WDPCP: variants seen among roughly 807,000 people sequenced by gnomAD.
WDPCP encodes the protein WD repeat-containing and planar cell polarity effector protein fritz homolog.
In WDPCP, 71 loss-of-function variants were observed where a neutral mutation model predicts 93.1. The ratio of observed to expected loss-of-function variants is 0.76; its 90% CI spans 0.63 to 0.93. The LOEUF is 0.93. Among genes scored for constraint, WDPCP ranks in the 40% least tolerant of loss-of-function variants. WDPCP has a pLI of 0.00. For missense variants in WDPCP, 844 were observed against 887.4 expected, an observed-to-expected ratio of 0.95 and a Z score of 0.62; for synonymous variants, 315 against 315.0, an observed-to-expected ratio of 1.00 and a Z score of 0.00.
At position 63,313,261 on chromosome 2, in the gene WDPCP, C is replaced by T. The variant is rs375036014; in HGVS notation, c.1799G>A (p.Arg600His). The T allele has an allele frequency of 2.0e-5, 33 of 1,613,420 alleles. No individual in the cohort carries two copies. Among genetic ancestry groups the T allele is most frequent in the South Asian group, 5.5e-5 (5 of 91,074 alleles). Residue 600 changes from arginine to histidine, a missense_variant, in exon 13 of 18, where the codon CGT (arginine) becomes CAT (histidine). Arg to His is a conservative substitution (Grantham distance 29, BLOSUM62 0). Coordinates refer to ENST00000272321, the MANE Select transcript of WDPCP (RefSeq NM_015910.7). ...AFLLAVDVGARDLFMDIHYLA... is the reference protein window; with the variant it reads ...AFLLAVDVGAHDLFMDIHYLA... ...AAAATGACTCACCATAAAGAGGTCACGAGCACCAACGTCAACAGCTAGGAG... is the reference window on the plus strand; with the variant it reads ...AAAATGACTCACCATAAAGAGGTCATGAGCACCAACGTCAACAGCTAGGAG...
At chr2:63,436,682 A>C (rs1023460536) in intron 8 of WDPCP, among the ~76,000 whole-genome samples, 2 of 152,088 alleles carry the variant, frequency 1.3e-5, no homozygotes, top group Non-Finnish European at 2.9e-5. Context: ...GGTTGGATCA[A>C]TCTTGCAAAC....
intron 14 of WDPCP, among the ~76,000 whole-genome samples, chr2:63,235,973 T>C (rs375896856): frequency 6.6e-6 from 1 of 152,126 alleles, no homozygotes. Context: ...AAAAAAGTAC[T>C]GGAAGCCCTA....
chr2:63,710,474 C>T (rs1230767697), intron 2 of WDPCP, among the ~76,000 whole-genome samples: 2 of 152,214 alleles, frequency 1.3e-5, no homozygotes, highest in African/African-American at 4.8e-5. Context: ...CCTGCTCGGG[C>T]CTTGTAAACA....
chr2:63,397,563 C>T lies in WDPCP; in HGVS notation c.1435+6485G>A, dbSNP rs780817931. On this transcript the variant is annotated intron_variant, in intron 10 of 17. Coordinates refer to ENST00000272321, the MANE Select transcript of WDPCP (RefSeq NM_015910.7). The stretch of plus-strand genomic sequence containing the variant: ...AAAATGGAAGCCTGGATGGCCCCAA[C>T]ATTTTCATGAGTAGGCAGAAGAAGA... 2.0e-5 allele frequency among the ~76,000 whole-genome samples: 3 copies of T among 152,116 alleles called. No homozygotes were observed. The South Asian group carries it at 6.2e-4, about 31-fold the overall frequency.
At chr2:63,783,513 A>G (rs1484120459) in intron 2 of WDPCP, among the ~76,000 whole-genome samples, 15 of 152,236 alleles carry the variant, frequency 9.9e-5, no homozygotes, top group Non-Finnish European at 1.9e-4. Flanking sequence ...AAGAAATGGA[A>G]TCAAACTAAG....
At chr2:63,835,066 T>A in the WDPCP span, among the ~76,000 whole-genome samples, 8 of 149,546 alleles carry the variant, frequency 5.3e-5, no homozygotes, top group Non-Finnish European at 7.4e-5. Context: ...TACTGAAATT[T>A]AAAAAAAAAA....
intron 3 of WDPCP, among the ~76,000 whole-genome samples, chr2:63,618,535 T>C (rs1031496637): frequency 6.6e-6 from 1 of 152,242 alleles, no homozygotes; most frequent in Non-Finnish European, 1.5e-5. Context: ...CTCCCTTAGA[T>C]ACTGATACCA....
intron 2 of WDPCP, among the ~76,000 whole-genome samples, chr2:63,735,370 G>T (rs1217415461): frequency 1.3e-5 from 2 of 152,148 alleles, no homozygotes; most frequent in Non-Finnish European, 2.9e-5. Context: ...GCAAGAACCG[G>T]TGGGACAAAG....
chr2:63,475,766 T>C (rs1405564946), intron 6 of WDPCP, among the ~76,000 whole-genome samples: 2 of 152,142 alleles, frequency 1.3e-5, no homozygotes, highest in Non-Finnish European at 2.9e-5. Context: ...ATTACTCTAA[T>C]TGATCTTTAT....
chr2:63,185,847 C>T (rs901404321), intron 14 of WDPCP, among the ~76,000 whole-genome samples: 7 of 152,268 alleles, frequency 4.6e-5, no homozygotes, highest in African/African-American at 1.7e-4. Context: ...TATCCTCAGC[C>T]TGAGAGAGTG....
intron 2 of WDPCP, among the ~76,000 whole-genome samples, chr2:63,807,302 C>T (rs1670782096): frequency 6.6e-6 from 1 of 152,194 alleles, no homozygotes; most frequent in Non-Finnish European, 1.5e-5. Flanking sequence ...TGGCTTAGCG[C>T]CATTCTTGAG....
At chr2:63,260,659 C>T (rs1681546970) in intron 13 of WDPCP, among the ~76,000 whole-genome samples, 1 of 152,194 alleles carries the variant, frequency 6.6e-6, no homozygotes, top group South Asian at 2.1e-4. Flanking sequence ...AAGTGATTCT[C>T]TTGCCTCTGC....
intron 12 of WDPCP, among the ~76,000 whole-genome samples, chr2:63,314,617 G>A (rs1346242941): frequency 1.3e-5 from 2 of 151,966 alleles, no homozygotes; most frequent in Non-Finnish European, 2.9e-5. Flanking sequence ...CCTTAGATGT[G>A]TTCTTAGTCT....
chr2:63,764,040 A>G (rs1670100448), intron 2 of WDPCP, among the ~76,000 whole-genome samples: 1 of 152,120 alleles, frequency 6.6e-6, no homozygotes, highest in African/African-American at 2.4e-5. Context: ...ATTACTTTTT[A>G]TTGAGGTAAA....
At chr2:63,705,120 T>A (rs1669128561) in intron 2 of WDPCP, among the ~76,000 whole-genome samples, 1 of 152,240 alleles carries the variant, frequency 6.6e-6, no homozygotes, top group South Asian at 2.1e-4. Context: ...TGGTAGTTTG[T>A]ATTTCTGTGG....
intron 1 of WDPCP, among the ~76,000 whole-genome samples, chr2:63,575,369 A>AGT (rs1553438295): frequency 1.7e-5 from 2 of 118,144 alleles, no homozygotes; most frequent in East Asian, 2.9e-4. Flanking sequence ...CAGTATATAC[A>AGT]GTATATACAG....
intron 14 of WDPCP, among the ~76,000 whole-genome samples, chr2:63,251,326 A>G (rs1382848909): frequency 2.6e-5 from 4 of 152,148 alleles, no homozygotes; most frequent in Non-Finnish European, 5.9e-5. Context: ...ATCCTTAGAA[A>G]CTAATACAAA....
At chr2:63,355,624 A>G (rs995449027) in intron 12 of WDPCP, among the ~76,000 whole-genome samples, 16 of 152,186 alleles carry the variant, frequency 1.1e-4, no homozygotes, top group African/African-American at 3.9e-4. Flanking sequence ...TCATGCCTGT[A>G]ATCCTAGCAC....
At chr2:63,572,075 C>T (rs1707548415) in intron 1 of WDPCP, among the ~76,000 whole-genome samples, 1 of 152,156 alleles carries the variant, frequency 6.6e-6, no homozygotes, top group African/African-American at 2.4e-5. Flanking sequence ...TATAGATAAT[C>T]AGGCTCCAGA....
Sources: gnomAD v4.1 joint callset for allele counts (sites outside exome capture counted in the v4.1 genomes callset) on GRCh38, gnomAD v4.1.1 for gene constraint, MANE v1.5 for transcripts, NCBI Gene and HGNC (gene_info 2026-07-23, HGNC 2026-07-21) for gene names.